FAM91A1: variants seen among roughly 807,000 people sequenced by gnomAD.
FAM91A1 encodes the protein family with sequence similarity 91 member A1.
FAM91A1 carries 41 observed loss-of-function variants against 113.5 expected under a neutral mutation model. The ratio of observed to expected loss-of-function variants is 0.36; its 90% CI spans 0.28 to 0.47. The LOEUF (loss-of-function observed/expected upper bound fraction) is 0.47. Among genes scored for constraint, FAM91A1 ranks in the 20% least tolerant of loss-of-function variants. FAM91A1 has a pLI of 1.00. For missense variants in FAM91A1, 696 were observed against 1,001.2 expected (o/e 0.70, Z 4.11); for synonymous variants, 307 against 347.9 (o/e 0.88, Z 1.31).
In FAM91A1 at chr8:123,775,171, G is replaced by A. The variant is rs777204751; in HGVS notation, c.182G>A (p.Arg61His). The A allele has an allele frequency of 3.7e-6, 6 of 1,609,690 alleles. No homozygotes were observed. Among genetic ancestry groups the A allele is most frequent in the East Asian group, 2.2e-5 (1 of 44,788 alleles). ...NLVKHVKKDE[R>H]RYYEELLKYS... ...GTTAAACATGTCAAGAAAGATGAAC[G>A]CAGATACTATGAGGAACTGCTAAAG... Residue 61 changes from arginine (R) to histidine (H), a missense_variant, in exon 3 of 24, where the codon CGC (arginine) becomes CAC (histidine). Coordinates refer to ENST00000334705, the MANE Select transcript of FAM91A1 (RefSeq NM_144963.4).
intron 18 of FAM91A1, among the ~76,000 whole-genome samples, chr8:123,803,135 C>T (rs1260053636): frequency 6.6e-6 from 1 of 151,982 alleles, no homozygotes; most frequent in African/African-American, 2.4e-5. Flanking sequence ...GAAACCCTGT[C>T]TTAATTTATA....
chr8:123,799,518 A>G lies in FAM91A1; in HGVS notation c.1561-2A>G. 1 of 1,609,310 alleles carries G rather than the reference A, an allele frequency of 6.2e-7. No individual in the cohort carries two copies. The highest frequency in any genetic ancestry group is 2.2e-5 in the East Asian group (1 of 44,828). On this transcript the variant is annotated splice_acceptor_variant, in intron 16 of 23. Transcript: ENST00000334705. LOFTEE classifies it high-confidence loss of function. The stretch of plus-strand genomic sequence containing the variant: ...TTTATCTTAACTGTTTTATGATTGT[A>G]GCATATTGGACCAGCTATCCCAGAA...
intron 23 of FAM91A1, chr8:123,811,292 A>C (rs940892690): frequency 7.9e-5 from 12 of 152,250 alleles, no homozygotes; most frequent in African/African-American, 2.9e-4. Flanking sequence ...GGCATATGTT[A>C]GAGAACTAGT....
intron 15 of FAM91A1, among the ~76,000 whole-genome samples, chr8:123,795,537 C>T (rs1172787060): frequency 1.3e-5 from 2 of 152,156 alleles, no homozygotes; most frequent in Non-Finnish European, 2.9e-5. Context: ...TGTCAGCTTC[C>T]TAAGGCCTCC....
At position 123,799,866 on chromosome 8, in the gene FAM91A1, A is replaced by G. The variant is rs1476731429; in HGVS notation, c.1790A>G (p.His597Arg). 1.3e-6 allele frequency: 2 copies of G among 1,592,784 alleles called. No homozygotes were observed. Among genetic ancestry groups the G allele is most frequent in the Non-Finnish European group, 1.7e-6 (2 of 1,165,608 alleles). ...VLTMLNDALTHSAVLIQGHGL... is the reference protein window; with the variant it reads ...VLTMLNDALTRSAVLIQGHGL... Reference sequence around the variant, plus strand: ...ACGATGTTGAATGATGCTTTAACACATTCTGCAGTTTTAATTCAGGTACAT... The same window carrying G: ...ACGATGTTGAATGATGCTTTAACACGTTCTGCAGTTTTAATTCAGGTACAT... The change falls in exon 18 of 24, where the codon CAT becomes CGT. Residue 597 changes from histidine (H) to arginine (R), a missense_variant. Coordinates refer to ENST00000334705, the MANE Select transcript of FAM91A1 (RefSeq NM_144963.4).
intron 4 of FAM91A1, among the ~76,000 whole-genome samples, chr8:123,777,801 C>G (rs544058968): frequency 6.6e-6 from 1 of 152,266 alleles, no homozygotes; most frequent in Non-Finnish European, 1.5e-5. Context: ...AGGACTTCTG[C>G]TTTTTTAAAA....
chr8:123,789,814 C>G lies in FAM91A1; in HGVS notation c.1411+69C>G, dbSNP rs192545632. 22 of 1,537,954 alleles carry G rather than the reference C, an allele frequency of 1.4e-5. No individual in the cohort carries two copies. The Admixed American group carries it at 3.5e-4, about 25-fold the overall frequency. On this transcript the variant is annotated intron_variant, in intron 15 of 23. Coordinates refer to ENST00000334705, the MANE Select transcript of FAM91A1 (RefSeq NM_144963.4). ...CTTTTTTCTAAGAAATTAAACAGAT[C>G]ATGCTCACTTATATAATCATCACTT...
chr8:123,777,934 A>G, intron 4 of FAM91A1, 91 bp from the exon 5 acceptor site: 2 of 1,097,078 alleles, frequency 1.8e-6, no homozygotes, highest in Non-Finnish European at 1.3e-6. Flanking sequence ...AAAGATGAAA[A>G]TAAGCTCGGG....
Position 123,784,581 on chromosome 8 carries a change from GTT to G in FAM91A1, c.810+7_810+8del, listed in dbSNP as rs770310544. 2.0e-5 allele frequency: 31 copies of G among 1,562,488 alleles called. 1 individual carries two copies. Among genetic ancestry groups the G allele is most frequent in the Middle Eastern group, 3.3e-4 (2 of 5,998 alleles). On this transcript the variant is annotated splice_donor_region_variant and intron_variant, in intron 9 of 23. Coordinates refer to ENST00000334705, the MANE Select transcript of FAM91A1 (RefSeq NM_144963.4). ...GAGCACACAAATGTTGCAGAGGTAAGTTTGACAACGTCTCATGAAAATATAAT... is the reference window on the plus strand; with the variant it reads ...GAGCACACAAATGTTGCAGAGGTAAGTGACAACGTCTCATGAAAATATAAT...
intron 3 of FAM91A1, among the ~76,000 whole-genome samples, chr8:123,776,969 T>C (rs1814998882): frequency 6.6e-6 from 1 of 152,188 alleles, no homozygotes; most frequent in South Asian, 2.1e-4. Flanking sequence ...AACCCTGAGC[T>C]CTAATGGAGC....
intron 16 of FAM91A1, among the ~76,000 whole-genome samples, chr8:123,799,131 T>C (rs1815614485): frequency 6.6e-6 from 1 of 152,326 alleles, no homozygotes; most frequent in East Asian, 1.9e-4. Context: ...ATATCGAGCT[T>C]ATTATATTCC....
At chr8:123,796,791 C>T (rs188567532) in intron 15 of FAM91A1, among the ~76,000 whole-genome samples, 19 of 149,476 alleles carry the variant, frequency 1.3e-4, no homozygotes, top group African/African-American at 4.7e-4. Context: ...TGGCTGGGCG[C>T]GATGACTCAT....
Position 123,787,794 on chromosome 8 carries a change from T to C in FAM91A1, c.1278+44T>C. 2.0e-6 allele frequency: 3 copies of C among 1,501,960 alleles called. No homozygotes were observed. In the East Asian group the frequency reaches 6.9e-5, roughly 34 times the overall value. The allele number at this position is 1,501,960 out of a possible 1,614,324, so 93.0% of individuals were successfully genotyped here. The stretch of plus-strand genomic sequence containing the variant: ...TAAGGGGATGTTAGGGCATTTGGAA[T>C]CTGTCCTTGCTTGACAGAATGCCAA... On this transcript the variant is annotated intron_variant, in intron 14 of 23. Transcript: ENST00000334705.
chr8:123,800,693 T>C (rs6470186), intron 18 of FAM91A1, among the ~76,000 whole-genome samples: 36,513 of 152,056 alleles, frequency 0.24, 5,144 homozygotes, highest in African/African-American at 0.37. Flanking sequence ...TCTCCTTCCC[T>C]CTAGTCTTAA....
intron 15 of FAM91A1, among the ~76,000 whole-genome samples, 179 bp downstream of exon 15, chr8:123,789,924 T>C (rs375261610): frequency 6.6e-6 from 1 of 152,324 alleles, no homozygotes; most frequent in South Asian, 2.1e-4. Context: ...TTCTTAACCT[T>C]ATTTTACTTT....
intron 15 of FAM91A1, among the ~76,000 whole-genome samples, chr8:123,790,318 T>C (rs1278845345): frequency 6.6e-6 from 1 of 152,216 alleles, no homozygotes; most frequent in Non-Finnish European, 1.5e-5. Context: ...TCCCAAACTT[T>C]AGTTGAATTG....
At chr8:123,790,981 C>T (rs1302121899) in intron 15 of FAM91A1, among the ~76,000 whole-genome samples, 1 of 152,174 alleles carries the variant, frequency 6.6e-6, no homozygotes, top group African/African-American at 2.4e-5. Context: ...GTGAGTGGCA[C>T]AGTCTTGAGG....
intron 14 of FAM91A1, among the ~76,000 whole-genome samples, chr8:123,788,040 G>A (rs1180629868): frequency 1.3e-5 from 2 of 152,144 alleles, no homozygotes; most frequent in Admixed American, 6.5e-5. Context: ...AATGTTTTAA[G>A]TTGAATTTTT....
At chr8:123,800,385 G>A (rs1815644324) in intron 18 of FAM91A1, among the ~76,000 whole-genome samples, 1 of 152,080 alleles carries the variant, frequency 6.6e-6, no homozygotes, top group Admixed American at 6.6e-5. Context: ...TTATATGAAT[G>A]TGGTCTCTCT....
Sources: allele counts gnomAD v4.1 joint callset (sites outside exome capture counted in the v4.1 genomes callset), GRCh38; gene constraint gnomAD v4.1.1; transcripts MANE v1.5; gene names NCBI Gene and HGNC (gene_info 2026-07-23, HGNC 2026-07-21).